The following PLXNB1 variants were observed in gnomAD, a reference collection of about 807,000 sequenced individuals.
PLXNB1 encodes the protein plexin B1, also known as plexin-B1.
In PLXNB1, 106 loss-of-function variants were observed where a neutral mutation model predicts 209.4. The ratio of observed to expected loss-of-function variants is 0.51; its 90% CI spans 0.43 to 0.59. PLXNB1 has a LOEUF of 0.59. Among genes scored for constraint, PLXNB1 ranks in the 20% least tolerant of loss-of-function variants. PLXNB1 has a pLI of 0.00. For synonymous variants in PLXNB1, 1,167 were observed against 1,183.2 expected (o/e 0.99, Z 0.28); for missense variants, 2,357 against 2,853.2 (o/e 0.83, Z 3.96).
At position 48,415,497 on chromosome 3, in the gene PLXNB1, A is replaced by T; in HGVS notation, c.3794+86T>A. On this transcript the variant is annotated intron_variant, in intron 19 of 37. Coordinates refer to ENST00000296440, the MANE Select transcript of PLXNB1 (RefSeq NM_001130082.3). This position sits in a 1 kb window ranked among gnomAD's most constrained non-coding sequence, Gnocchi z 5.0. Reference sequence around the variant, plus strand: ...AGCAGCATGGGATTCTCAGTGCCTCAACATAAAGCCCTACAAACCCCCACA... The same window carrying T: ...AGCAGCATGGGATTCTCAGTGCCTCTACATAAAGCCCTACAAACCCCCACA... 1.4e-6 allele frequency: 2 copies of T among 1,441,114 alleles called. No individual in the cohort carries two copies. The highest frequency in any genetic ancestry group is 3.7e-4 in the Middle Eastern group (2 of 5,470). The allele number at this position is 1,441,114 out of a possible 1,614,324, so 89.3% of individuals were successfully genotyped here. A position where few individuals can be genotyped will look rare whatever the true frequency, so the allele number is the denominator to read the frequency against.
In PLXNB1 at chr3:48,415,868, C is replaced by T. The variant is rs2038058174; in HGVS notation, c.3618-109G>A. 3 of 1,338,804 alleles carry T rather than the reference C, an allele frequency of 2.2e-6. No homozygotes were observed. The highest frequency in any genetic ancestry group is 3.1e-6 in the Non-Finnish European group (3 of 982,084). 82.9% of individuals were successfully genotyped at this position (1,338,804 alleles called of 1,614,324 possible). ...GCTGACTGCAGTCTCCACCAGGTGT[C>T]CCTGGAGGTGCACTCCCACCACAGC... On this transcript the variant is annotated intron_variant, in intron 18 of 37. Transcript: ENST00000296440. This position sits in a 1 kb window ranked among gnomAD's most constrained non-coding sequence, Gnocchi z 5.0.
chr3:48,408,129 G>A (rs2037426822), intron 34 of PLXNB1, among the ~76,000 whole-genome samples: 1 of 152,098 alleles, frequency 6.6e-6, no homozygotes, highest in African/African-American at 2.4e-5. Flanking sequence ...TCCCACCTCA[G>A]CCTCCCTAGT....
chr3:48,412,884 T>A lies in PLXNB1; in HGVS notation c.4712A>T (p.Tyr1571Phe), dbSNP rs1309671054. The A allele has an allele frequency of 6.2e-7, 1 of 1,613,956 alleles. No homozygotes were observed. Among genetic ancestry groups the A allele is most frequent in the Admixed American group, 1.7e-5 (1 of 60,016 alleles). Residue 1571 changes from tyrosine (Y) to phenylalanine (F), a missense_variant, in exon 25 of 38, where the codon TAT (tyrosine) becomes TTT (phenylalanine). By Grantham distance (22) the Tyr-to-Phe change is conservative. This residue lies in a region of PLXNB1 where 743 missense variants were observed against 896.2 expected (regional missense o/e 0.83). Transcript: ENST00000296440. ...SGIPFLDYKVYAERIFFPGHR... is the reference protein window; with the variant it reads ...SGIPFLDYKVFAERIFFPGHR... ...CCCAGGGAAGAAGATCCTCTCCGCA[T>A]ACACCTTGTAGTCGAGGAAGGGGAT...
rs377195859 is a variant in PLXNB1, at chr3:48,422,135, G to A, written c.1490C>T (p.Pro497Leu). 142 of 1,613,942 alleles carry A rather than the reference G, an allele frequency of 8.8e-5. 1 individual carries two copies. The highest frequency in any genetic ancestry group is 4.2e-4 in the Admixed American group (25 of 60,004). ...DCASCLAHRD[P>L]YCGWCVLLGR... is the part of the protein sequence containing the mutation. ...AAGGAGCACGCACCACCCACAGTAT[G>A]GGTCCCTGTGAGCAAGGCAAGATGC... is the stretch of plus-strand genomic sequence containing the variant. Residue 497 changes from proline to leucine, a missense_variant, in exon 6 of 38, where the codon CCA (proline) becomes CTA (leucine). Around this residue, in one of 7 missense-constraint regions of PLXNB1, gnomAD observed 214 missense variants for 297.1 expected, o/e 0.72. Transcript: ENST00000296440.
In PLXNB1 at chr3:48,416,905, G is replaced by A. The variant is rs2038138728; in HGVS notation, c.3375-454C>T. 2 of 153,410 alleles carry A rather than the reference G, an allele frequency of 1.3e-5. No homozygotes were observed. Among genetic ancestry groups the A allele is most frequent in the South Asian group, 2.1e-4 (1 of 4,840 alleles). The allele number at this position is 153,410 out of a possible 1,614,324, so 9.5% of individuals were successfully genotyped here. ...AGTCAGACAGGGAAATACAGGTGAA[G>A]GGAAAGTGAACCATCTAAGAAAATG... On this transcript the variant is annotated intron_variant, in intron 16 of 37. Coordinates refer to ENST00000296440, the MANE Select transcript of PLXNB1 (RefSeq NM_001130082.3). This position sits in a 1 kb window ranked among gnomAD's most constrained non-coding sequence, Gnocchi z 4.1.
chr3:48,404,711 G>A (rs547799784), intron 37 of PLXNB1, 121 bp from the exon 38 acceptor site: 13 of 636,658 alleles, frequency 2.0e-5, no homozygotes, highest in Middle Eastern at 2.5e-4. Flanking sequence ...AAACCCAGCC[G>A]GTCACTTCAC....
intron 3 of PLXNB1, 86 bp from the exon 4 acceptor site, chr3:48,423,033 C>A: frequency 8.3e-7 from 1 of 1,208,450 alleles, no homozygotes; most frequent in Non-Finnish European, 1.2e-6. Flanking sequence ...TTCCCTCCCC[C>A]AGCCGCTCTG....
chr3:48,427,245 G>A (rs1330472721), intron 1 of PLXNB1, among the ~76,000 whole-genome samples: 1 of 152,122 alleles, frequency 6.6e-6, no homozygotes, highest in Non-Finnish European at 1.5e-5. Flanking sequence ...GGCGGGATCA[G>A]AACAGCTCCT....
In PLXNB1 at chr3:48,424,432, A is replaced by G; in HGVS notation, c.180T>C (p.Pro60=). Reference sequence around the variant, plus strand: ...ACACTGTGGCCTCCAGCTGCAGCCCAGGGCTCAGCTGGAACAGGAAGTTGG... The same window carrying G: ...ACACTGTGGCCTCCAGCTGCAGCCCGGGGCTCAGCTGGAACAGGAAGTTGG... The part of the protein sequence containing the change: ...GATNFLFQLS[P]GLQLEATVST... Residue 60 remains proline (P), a synonymous_variant, in exon 3 of 38, where the codon CCT becomes CCC. Coordinates refer to ENST00000296440, the MANE Select transcript of PLXNB1 (RefSeq NM_001130082.3). The G allele has an allele frequency of 6.3e-7, 1 of 1,578,296 alleles. No individual in the cohort carries two copies. The highest frequency in any genetic ancestry group is 1.8e-5 in the Admixed American group (1 of 55,146).
At position 48,419,742 on chromosome 3, in the gene PLXNB1, C is replaced by A; in HGVS notation, c.2544G>T (p.Glu848Asp). The A allele has an allele frequency of 6.2e-7, 1 of 1,610,300 alleles. No homozygotes were observed. The highest frequency in any genetic ancestry group is 8.5e-7 in the Non-Finnish European group (1 of 1,179,076). Residue 848 changes from glutamate (E) to aspartate (D), a missense_variant, in exon 11 of 38, where the codon GAG (glutamate) becomes GAT (aspartate). By Grantham distance (45) the Glu-to-Asp change is conservative (BLOSUM62 2). Transcript: ENST00000296440. The surrounding 1 kb of genome is among the most constrained non-coding windows in gnomAD (Gnocchi z 5.7). ...CCGTCCACTCGTCCGCCTCGGGCAG[C>A]TCGCCGCCTTCTCTCGTGAGCCAGT... ...ALDWLTREGG[E>D]LPEADEWTGG...
intron 27 of PLXNB1, 85 bp from the exon 28 acceptor site, chr3:48,412,094 A>G: frequency 6.5e-7 from 1 of 1,533,478 alleles, no homozygotes; most frequent in Non-Finnish European, 9.0e-7. Flanking sequence ...GGGACAGGAC[A>G]TGGGCTTAAG....
intron 34 of PLXNB1, among the ~76,000 whole-genome samples, chr3:48,408,489 C>G (rs893380637): frequency 6.6e-6 from 1 of 152,130 alleles, no homozygotes; most frequent in African/African-American, 2.4e-5. Context: ...TCAGGGGACT[C>G]TCGGCTTTGA....
Position 48,429,647 on chromosome 3 carries a change from G to A in PLXNB1, c.-60+361C>T, listed in dbSNP as rs943820793. Among the ~76,000 whole-genome samples, 1 of 151,902 alleles carries A rather than the reference G, an allele frequency of 6.6e-6. No homozygotes were observed. The highest frequency in any genetic ancestry group is 1.5e-5 in the Non-Finnish European group (1 of 67,920). On this transcript the variant is annotated intron_variant, in intron 1 of 37. Coordinates refer to ENST00000296440, the MANE Select transcript of PLXNB1 (RefSeq NM_001130082.3). The surrounding 1 kb of genome is among the most constrained non-coding windows in gnomAD (Gnocchi z 6.4). ...ACCCGACCCCTCCCGCACGGGGGAG[G>A]GCGGGGGCGGGCTGCACCGCGGCGG...
intron 21 of PLXNB1, 106 bp from the exon 22 acceptor site, chr3:48,414,177 C>G (rs1441926429): frequency 1.1e-5 from 11 of 1,038,554 alleles, no homozygotes; most frequent in Non-Finnish European, 1.6e-5. Flanking sequence ...GCAAAGCTGA[C>G]AGCCTCTCAG....
intron 37 of PLXNB1, 66 bp from the exon 38 acceptor site, chr3:48,404,656 C>G: frequency 9.3e-7 from 1 of 1,080,998 alleles, no homozygotes; most frequent in Non-Finnish European, 1.4e-6. Flanking sequence ...CAAAATTCAA[C>G]AGCCCTCCTA....
chr3:48,410,952 A>G lies in PLXNB1; in HGVS notation c.5332T>C (p.Ser1778Pro). ...TCCAGCATCTTCTCCTTTGCCTGGG[A>G]GATGGTGTCACAGTCTAGGACCTTC... Reference protein sequence around the residue: ...PVKVLDCDTISQAKEKMLDQL... With the variant: ...PVKVLDCDTIPQAKEKMLDQL... The change falls in exon 29 of 38, where the codon TCC becomes CCC. Residue 1778 changes from serine (S) to proline (P), a missense_variant. Ser to Pro is a moderately conservative substitution (Grantham distance 74). Around this residue, in one of 7 missense-constraint regions of PLXNB1, gnomAD observed 414 missense variants for 520.5 expected, o/e 0.80. Coordinates refer to ENST00000296440, the MANE Select transcript of PLXNB1 (RefSeq NM_001130082.3). This position sits in a 1 kb window ranked among gnomAD's most constrained non-coding sequence, Gnocchi z 6.4. 2 of 1,613,940 alleles carry G rather than the reference A, an allele frequency of 1.2e-6. No individual in the cohort carries two copies. Among genetic ancestry groups the G allele is most frequent in the Non-Finnish European group, 1.7e-6 (2 of 1,179,980 alleles).
In PLXNB1 at chr3:48,421,041, G is replaced by C. The variant is rs866895800; in HGVS notation, c.1811-85C>G. ...CCGATATCCTGAGCCCTTGAATGGG[G>C]AAGAGGACCCGGGATGAGGGAATAC... On this transcript the variant is annotated intron_variant, in intron 8 of 37. Transcript: ENST00000296440. 1.1e-5 allele frequency: 15 copies of C among 1,341,198 alleles called. No homozygotes were observed. In the South Asian group the frequency reaches 1.7e-4, roughly 15 times the overall value. 83.1% of individuals were successfully genotyped at this position (1,341,198 alleles called of 1,614,324 possible).
Position 48,413,177 on chromosome 3 carries a change from G to C in PLXNB1, c.4536-8C>G. The C allele has an allele frequency of 1.2e-6, 2 of 1,605,986 alleles. No individual in the cohort carries two copies. Among genetic ancestry groups the C allele is most frequent in the Non-Finnish European group, 1.7e-6 (2 of 1,176,220 alleles). The stretch of plus-strand genomic sequence containing the variant: ...GCCTGCTTGCTCTTCCTCCTGCTCA[G>C]CCCCAGGGTCAGGAGAGGATGGCCA... On this transcript the variant is annotated splice_polypyrimidine_tract_variant and splice_region_variant and intron_variant, in intron 23 of 37. Coordinates refer to ENST00000296440, the MANE Select transcript of PLXNB1 (RefSeq NM_001130082.3). This position sits in a 1 kb window ranked among gnomAD's most constrained non-coding sequence, Gnocchi z 5.4.
Position 48,419,617 on chromosome 3 carries a change from C to T in PLXNB1, c.2669G>A (p.Ser890Asn). Residue 890 changes from serine (S) to asparagine (N), a missense_variant, in exon 11 of 38, where the codon AGC (serine) becomes AAC (asparagine). This residue lies in a region of PLXNB1 where 410 missense variants were observed against 401.0 expected (regional missense o/e 1.02). Transcript: ENST00000296440. The surrounding 1 kb of genome is among the most constrained non-coding windows in gnomAD (Gnocchi z 5.7). ...GPPAPLILPSSLDYQYDTPGL... is the reference protein window; with the variant it reads ...GPPAPLILPSNLDYQYDTPGL... Reference sequence around the variant, plus strand: ...GGGGGTGTCATACTGGTAGTCGAGGCTGGACGGGAGGATGAGGGGGGCGGG... The same window carrying T: ...GGGGGTGTCATACTGGTAGTCGAGGTTGGACGGGAGGATGAGGGGGGCGGG... 6.2e-7 allele frequency: 1 copy of T among 1,612,396 alleles called. No individual in the cohort carries two copies. Among genetic ancestry groups the T allele is most frequent in the Non-Finnish European group, 8.5e-7 (1 of 1,179,718 alleles).
Sources: gnomAD v4.1 joint callset for allele counts (sites outside exome capture counted in the v4.1 genomes callset) on GRCh38, gnomAD v4.1.1 for gene constraint, gnomAD v4.1.1 regional missense constraint, Gnocchi (gnomAD v3.1) non-coding constraint, MANE v1.5 for transcripts, NCBI Gene and HGNC (gene_info 2026-07-23, HGNC 2026-07-21) for gene names.